CNTNAP4: variants seen among roughly 807,000 people sequenced by gnomAD.
CNTNAP4 encodes contactin-associated protein-like 4.
In CNTNAP4, 98 loss-of-function variants were observed where a neutral mutation model predicts 148.4. The ratio of observed to expected loss-of-function variants is 0.66; its 90% CI spans 0.56 to 0.78. The LOEUF is 0.78. Among genes scored for constraint, CNTNAP4 ranks in the 30% least tolerant of loss-of-function variants. The pLI is 0.00. For synonymous variants in CNTNAP4, 730 were observed against 565.1 expected, an observed-to-expected ratio of 1.29 and a Z score of -4.14; for missense variants, 1,935 against 1,565.6, an observed-to-expected ratio of 1.24 and a Z score of -3.98.
chr16:76,325,203 T>G (rs1567709628), intron 2 of CNTNAP4, among the ~76,000 whole-genome samples: 1 of 152,186 alleles, frequency 6.6e-6, no homozygotes, highest in African/African-American at 2.4e-5. Flanking sequence ...TATCATTCTG[T>G]AGCTTATTGA....
At chr16:76,478,082 T>C (rs989653240) in intron 11 of CNTNAP4, among the ~76,000 whole-genome samples, 3 of 152,162 alleles carry the variant, frequency 2.0e-5, no homozygotes, top group Admixed American at 2.0e-4. Flanking sequence ...AAAAGCCTTA[T>C]TAGGAAATAA....
intron 13 of CNTNAP4, among the ~76,000 whole-genome samples, chr16:76,494,245 G>C (rs563615726): frequency 3.9e-5 from 6 of 152,222 alleles, no homozygotes; most frequent in African/African-American, 1.4e-4. Flanking sequence ...AGGAAGAGAT[G>C]CATTTGGCTG....
chr16:76,556,376 GGTAT>G (rs1328471888), intron 23 of CNTNAP4, among the ~76,000 whole-genome samples: 1 of 151,864 alleles, frequency 6.6e-6, no homozygotes, highest in African/African-American at 2.4e-5. Context: ...TTATATTTTT[GGTAT>G]AACACGTGTG....
At chr16:76,336,109 G>T (rs1196495399) in intron 2 of CNTNAP4, among the ~76,000 whole-genome samples, 1 of 152,044 alleles carries the variant, frequency 6.6e-6, no homozygotes, top group Non-Finnish European at 1.5e-5. Context: ...TGAGTAATCT[G>T]TGAACTGGAC....
At chr16:76,482,377 T>G (rs764400856) in intron 12 of CNTNAP4, among the ~76,000 whole-genome samples, 9 of 151,798 alleles carry the variant, frequency 5.9e-5, no homozygotes, top group South Asian at 2.1e-4. Flanking sequence ...TGTCATTATT[T>G]AAGATGTGAT....
chr16:76,403,340 A>T (rs1282253732), intron 3 of CNTNAP4, among the ~76,000 whole-genome samples: 1 of 151,912 alleles, frequency 6.6e-6, no homozygotes, highest in Non-Finnish European at 1.5e-5. Flanking sequence ...TGATCCACCC[A>T]CCTCGGCCTC....
At chr16:76,385,144 G>A (rs1008970835) in intron 3 of CNTNAP4, among the ~76,000 whole-genome samples, 1 of 152,010 alleles carries the variant, frequency 6.6e-6, no homozygotes, top group African/African-American at 2.4e-5. Context: ...ACAATATAAC[G>A]CATTTTGTTG....
Position 76,552,941 on chromosome 16 carries a change from C to T in CNTNAP4, c.3443-342C>T, listed in dbSNP as rs149877179. Among the ~76,000 whole-genome samples the T allele has an allele frequency of 4.5e-3, 687 of 152,294 alleles. 4 individuals carry two copies. Among genetic ancestry groups the T allele is most frequent in the African/African-American group, 0.014 (566 of 41,566 alleles). On this transcript the variant is annotated intron_variant, in intron 21 of 23. Coordinates refer to ENST00000611870, the MANE Select transcript of CNTNAP4 (RefSeq NM_033401.5). ...AGGATGTACCTCTTGATATTGACTA[C>T]AAGCCCTATTGTAAATACATTGCAA...
chr16:76,444,903 T>A (rs1425190175), intron 4 of CNTNAP4, among the ~76,000 whole-genome samples: 1 of 152,178 alleles, frequency 6.6e-6, no homozygotes, highest in Non-Finnish European at 1.5e-5. Flanking sequence ...AAATCTGTGA[T>A]GCGACTGTAG....
intron 3 of CNTNAP4, among the ~76,000 whole-genome samples, chr16:76,382,589 AC>A (rs2016089069): frequency 6.6e-6 from 1 of 152,154 alleles, no homozygotes; most frequent in African/African-American, 2.4e-5. Context: ...ATATCATATA[AC>A]CCTGTGTTTG....
intron 15 of CNTNAP4, among the ~76,000 whole-genome samples, chr16:76,518,833 T>C (rs62048236): frequency 0.033 from 5,067 of 152,240 alleles, 125 homozygotes; most frequent in South Asian, 0.11. Context: ...TTGCCCAATC[T>C]CTCTTCCTCT....
At chr16:76,395,526 A>G (rs2078171832) in intron 3 of CNTNAP4, among the ~76,000 whole-genome samples, 1 of 151,226 alleles carries the variant, frequency 6.6e-6, no homozygotes, top group Non-Finnish European at 1.5e-5. Flanking sequence ...AGCCTCCCAA[A>G]GTGCTGGTAT....
chr16:76,514,574 T>C (rs1362254342), intron 15 of CNTNAP4, among the ~76,000 whole-genome samples: 4 of 152,204 alleles, frequency 2.6e-5, no homozygotes. Context: ...TGTATGTGCA[T>C]GTGTGGGGGT....
chr16:76,475,864 G>A, intron 10 of CNTNAP4, 75 bp from the exon 11 acceptor site: 4 of 973,390 alleles, frequency 4.1e-6, no homozygotes, highest in Non-Finnish European at 6.4e-6. Flanking sequence ...TCTTTCTCAT[G>A]ACCAAGTATA....
rs751936741 is a variant in CNTNAP4, at chr16:76,560,228, C to G, written c.*1545C>G. 6.6e-6 allele frequency among the ~76,000 whole-genome samples: 1 copy of G among 152,114 alleles called. No individual in the cohort carries two copies. Among genetic ancestry groups the G allele is most frequent in the African/African-American group, 2.4e-5 (1 of 41,432 alleles). ...CTTAGTTTGTCTACACCAGAAGAAT[C>G]GGGAAATATGTAAATTTAGCATTAC... On this transcript the variant is annotated 3_prime_UTR_variant, in exon 24 of 24. Transcript: ENST00000611870.
At chr16:76,437,184 G>C (rs553575743) in intron 4 of CNTNAP4, among the ~76,000 whole-genome samples, 2 of 151,944 alleles carry the variant, frequency 1.3e-5, no homozygotes, top group African/African-American at 4.8e-5. Flanking sequence ...CAGCGTTTTC[G>C]TGTTTTTCTG....
intron 2 of CNTNAP4, among the ~76,000 whole-genome samples, chr16:76,320,516 T>C (rs1189981862): frequency 6.6e-6 from 1 of 152,192 alleles, no homozygotes; most frequent in East Asian, 1.9e-4. Context: ...TATGTGACTC[T>C]TGAATCCAAT....
chr16:76,328,658 T>C (rs964901114), intron 2 of CNTNAP4, among the ~76,000 whole-genome samples: 1 of 152,172 alleles, frequency 6.6e-6, no homozygotes, highest in Non-Finnish European at 1.5e-5. Context: ...TGTGTTTTTT[T>C]TTTTGAGATG....
chr16:76,529,359 T>G lies in CNTNAP4; in HGVS notation c.2756-6186T>G, dbSNP rs74025033. On this transcript the variant is annotated intron_variant, in intron 17 of 23. Transcript: ENST00000611870. ...AATGCTAATCAGTGTATTGAACACG[T>G]GCCCTTGACTTGCTAACACTGAGGA... 2.9e-3 allele frequency among the ~76,000 whole-genome samples: 439 copies of G among 152,312 alleles called. 2 individuals are homozygous for G. Among genetic ancestry groups the G allele is most frequent in the African/African-American group, 0.01 (421 of 41,576 alleles).
Sources: allele counts gnomAD v4.1 joint callset (sites outside exome capture counted in the v4.1 genomes callset), GRCh38; gene constraint gnomAD v4.1.1; transcripts MANE v1.5; gene names NCBI Gene and HGNC (gene_info 2026-07-23, HGNC 2026-07-21).